The following AFG2A variants were observed in gnomAD, a reference collection of about 807,000 sequenced individuals.
AFG2A encodes AAA ATPase AFG2A, also known as ATPase family gene 2 protein homolog A.
the AFG2A span, among the ~76,000 whole-genome samples, chr4:122,986,395 G>A: frequency 1.3e-5 from 2 of 152,118 alleles, no homozygotes; most frequent in African/African-American, 2.4e-5. Flanking sequence ...TACTATTATT[G>A]TGTTGCTGTC....
the AFG2A span, among the ~76,000 whole-genome samples, chr4:123,022,631 TC>T: frequency 6.7e-6 from 1 of 148,766 alleles, no homozygotes; most frequent in Non-Finnish European, 1.5e-5. Flanking sequence ...GTGTGGCGAT[TC>T]CTCAGGGATC....
chr4:123,303,225 C>T, the AFG2A span, among the ~76,000 whole-genome samples: 1 of 152,100 alleles, frequency 6.6e-6, no homozygotes, highest in South Asian at 2.1e-4. Flanking sequence ...TTTCTGCCCC[C>T]AAAGCTCTGT....
the AFG2A span, among the ~76,000 whole-genome samples, chr4:122,951,915 T>C: frequency 6.6e-6 from 1 of 152,194 alleles, no homozygotes; most frequent in Non-Finnish European, 1.5e-5. Flanking sequence ...TGACAGTTGT[T>C]ACATAGATGA....
the AFG2A span, among the ~76,000 whole-genome samples, chr4:123,015,610 C>T: frequency 3.3e-5 from 5 of 150,824 alleles, no homozygotes; most frequent in Non-Finnish European, 7.4e-5. Context: ...GGCAACCATC[C>T]GATTTCTCAA....
At chr4:123,028,572 T>C in the AFG2A span, among the ~76,000 whole-genome samples, 1 of 152,206 alleles carries the variant, frequency 6.6e-6, no homozygotes, top group Non-Finnish European at 1.5e-5. Flanking sequence ...AATAAATTCG[T>C]GCATGTAATC....
chr4:122,980,433 A>G, the AFG2A span, among the ~76,000 whole-genome samples: 1 of 152,244 alleles, frequency 6.6e-6, no homozygotes, highest in African/African-American at 2.4e-5. Flanking sequence ...TTGATTCCCT[A>G]TCTTGGATGT....
chr4:123,094,648 A>G, the AFG2A span, among the ~76,000 whole-genome samples: 1 of 152,114 alleles, frequency 6.6e-6, no homozygotes, highest in African/African-American at 2.4e-5. Flanking sequence ...GGAGCTGACA[A>G]AAAAGCTAAA....
chr4:123,256,528 C>T, the AFG2A span, among the ~76,000 whole-genome samples: 27 of 152,288 alleles, frequency 1.8e-4, no homozygotes, highest in East Asian at 5.2e-3. Flanking sequence ...GCGTTCTTTA[C>T]CCATCAAATG....
chr4:122,944,334 T>C, the AFG2A span, among the ~76,000 whole-genome samples: 1 of 151,998 alleles, frequency 6.6e-6, no homozygotes, highest in East Asian at 1.9e-4. Context: ...TTTGTTTGTT[T>C]CTTTTTATTC....
At chr4:123,056,389 G>T in the AFG2A span, 1 of 1,611,576 alleles carries the variant, frequency 6.2e-7, no homozygotes, top group Non-Finnish European at 8.5e-7. Flanking sequence ...TCATGCAGGG[G>T]CCTGAATTAA....
At chr4:123,221,612 T>G in the AFG2A span, among the ~76,000 whole-genome samples, 6 of 152,158 alleles carry the variant, frequency 3.9e-5, no homozygotes, top group African/African-American at 1.2e-4. Flanking sequence ...TAAAAACCTT[T>G]AAAATATAGT....
chr4:123,305,992 C>T, the AFG2A span, among the ~76,000 whole-genome samples: 40 of 152,296 alleles, frequency 2.6e-4, no homozygotes, highest in Admixed American at 1.3e-3. Context: ...GCCTTCTCAT[C>T]CCGCGGAGTT....
the AFG2A span, among the ~76,000 whole-genome samples, chr4:123,128,220 T>G: frequency 6.6e-6 from 1 of 152,312 alleles, no homozygotes; most frequent in South Asian, 2.1e-4. Context: ...CTGAATTTGC[T>G]TTTCCTTCCG....
At chr4:122,952,709 C>T in the AFG2A span, among the ~76,000 whole-genome samples, 1 of 152,156 alleles carries the variant, frequency 6.6e-6, no homozygotes, top group Non-Finnish European at 1.5e-5. Flanking sequence ...ATGTGTACCC[C>T]TTCCAGGACC....
At chr4:123,223,713 A>G in the AFG2A span, among the ~76,000 whole-genome samples, 1 of 152,174 alleles carries the variant, frequency 6.6e-6, no homozygotes. Context: ...ACTAGGGATT[A>G]TGATTTAACA....
chr4:123,265,552 C>T, the AFG2A span, among the ~76,000 whole-genome samples: 1 of 152,094 alleles, frequency 6.6e-6, no homozygotes, highest in Admixed American at 6.6e-5. Context: ...TACTCCAGAA[C>T]ACCTTGTGCT....
the AFG2A span, among the ~76,000 whole-genome samples, chr4:123,154,802 C>T: frequency 2.0e-5 from 3 of 152,030 alleles, no homozygotes; most frequent in African/African-American, 7.2e-5. Flanking sequence ...AGAAATTTAA[C>T]AAATGTAACA....
chr4:123,129,431 G>A, the AFG2A span, among the ~76,000 whole-genome samples: 6 of 152,188 alleles, frequency 3.9e-5, no homozygotes, highest in Admixed American at 6.5e-5. Flanking sequence ...AGCTGCAAGA[G>A]AGGCTGTAAA....
chr4:123,201,718 A>C, the AFG2A span, among the ~76,000 whole-genome samples: 12 of 152,310 alleles, frequency 7.9e-5, no homozygotes, highest in Non-Finnish European at 1.3e-4. Flanking sequence ...CAGGAGTTCA[A>C]TACCAGCCTG....
Sources: allele counts gnomAD v4.1 joint callset (sites outside exome capture counted in the v4.1 genomes callset), GRCh38; gene constraint gnomAD v4.1.1; transcripts MANE v1.5; gene names NCBI Gene and HGNC (gene_info 2026-07-23, HGNC 2026-07-21).